Variants in RPF1 observed in about 807,000 individuals in gnomAD.
RPF1 encodes the protein ribosome production factor 1.
Under a neutral mutation model 41.9 loss-of-function variants are expected in RPF1, and 34 were observed. The ratio of observed to expected loss-of-function variants is 0.81; its 90% confidence interval spans 0.62 to 1.08. The LOEUF is 1.08. RPF1 is among the 50% of genes least tolerant of loss of function. RPF1 has a pLI of 0.00. For missense variants in RPF1, 425 were observed against 435.2 expected (o/e 0.98, Z 0.21); for synonymous variants, 140 against 148.9 (o/e 0.94, Z 0.43).
chr1:84,479,339 G>C lies in RPF1; in HGVS notation c.58G>C (p.Ala20Pro). 1 of 1,612,658 alleles carries C rather than the reference G, an allele frequency of 6.2e-7. No individual in the cohort carries two copies. The highest frequency in any genetic ancestry group is 1.1e-5 in the South Asian group (1 of 91,032). Residue 20 changes from alanine to proline, a missense_variant, in exon 1 of 9, where the codon GCC becomes CCC. Ala to Pro is a conservative substitution (Grantham distance 27). Coordinates refer to ENST00000370654, the MANE Select transcript of RPF1 (RefSeq NM_025065.7). ...SSGKKSLKRK[A>P]AAEELQEAAG... is the part of the protein sequence containing the mutation. Reference sequence around the variant, plus strand: ...CGGGAAGAAAAGTCTAAAACGGAAAGCCGCTGCCGAAGAACTTCAGGAGGC... The same window carrying C: ...CGGGAAGAAAAGTCTAAAACGGAAACCCGCTGCCGAAGAACTTCAGGAGGC...
chr1:84,491,314 TTAAAA>T (rs1429796902), intron 5 of RPF1, among the ~76,000 whole-genome samples: 2 of 152,310 alleles, frequency 1.3e-5, no homozygotes, highest in African/African-American at 4.8e-5. Flanking sequence ...TTTAATTTCA[TTAAAA>T]TAAAATTATA....
chr1:84,479,912 C>A (rs1175791310), intron 1 of RPF1, among the ~76,000 whole-genome samples: 1 of 152,194 alleles, frequency 6.6e-6, no homozygotes, highest in Admixed American at 6.5e-5. Context: ...CAAAATACTG[C>A]TTCTCTGATT....
chr1:84,493,967 G>C (rs1274781040), intron 5 of RPF1, among the ~76,000 whole-genome samples: 3 of 152,200 alleles, frequency 2.0e-5, no homozygotes, highest in Non-Finnish European at 4.4e-5. Flanking sequence ...ATGAGTCTGT[G>C]ATGAGAGTAG....
intron 3 of RPF1, among the ~76,000 whole-genome samples, chr1:84,484,083 T>C (rs1419458616): frequency 6.6e-6 from 1 of 152,196 alleles, no homozygotes; most frequent in Non-Finnish European, 1.5e-5. Flanking sequence ...AGTGATAGCT[T>C]ACTAAAGGAA....
intron 3 of RPF1, among the ~76,000 whole-genome samples, chr1:84,486,655 G>T (rs1201937603): frequency 6.6e-6 from 1 of 151,628 alleles, no homozygotes; most frequent in South Asian, 2.1e-4. Context: ...GAAGTAGTTG[G>T]CTGCTTTACT....
chr1:84,480,370 A>T (rs1160441137), intron 1 of RPF1, among the ~76,000 whole-genome samples: 2 of 152,160 alleles, frequency 1.3e-5, no homozygotes, highest in African/African-American at 2.4e-5. Flanking sequence ...AATATTTTTT[A>T]TTTTGTCAAG....
chr1:84,484,028 A>C (rs888884714), intron 3 of RPF1, among the ~76,000 whole-genome samples: 7 of 152,226 alleles, frequency 4.6e-5, no homozygotes, highest in African/African-American at 1.7e-4. Flanking sequence ...GAAGGGAGAC[A>C]AACAGTAAAC....
In RPF1 at chr1:84,489,756, G is replaced by C. The variant is rs563506950; in HGVS notation, c.462+28G>C. ...AAACACATTGATTAATTTAGTTCTT[G>C]AATTCTTAATTTTCTTATTACTTCT... On this transcript the variant is annotated intron_variant, in intron 4 of 8. Coordinates refer to ENST00000370654, the MANE Select transcript of RPF1 (RefSeq NM_025065.7). 10 of 1,254,776 alleles carry C rather than the reference G, an allele frequency of 8.0e-6. No homozygotes were observed. In the African/African-American group the frequency reaches 1.0e-4, roughly 13 times the overall value. The allele number at this position is 1,254,776 out of a possible 1,614,324, so 77.7% of individuals were successfully genotyped here.
intron 5 of RPF1, among the ~76,000 whole-genome samples, chr1:84,491,883 G>A (rs1273134345): frequency 2.6e-5 from 4 of 152,094 alleles, no homozygotes; most frequent in East Asian, 1.9e-4. Flanking sequence ...TTTTCTGGCC[G>A]GATGCGGTGG....
rs745645183 is a variant in RPF1 at position 84,479,287 on chromosome 1, G to A, written c.6G>A (p.Ala2=). 2.5e-6 allele frequency: 4 copies of A among 1,596,960 alleles called. No individual in the cohort carries two copies. The highest frequency in any genetic ancestry group is 1.4e-5 in the African/African-American group (1 of 73,756). ...GAAGCAAAGGAGCCAAGACCATGGC[G>A]AAAGCCGGGGATAAGAGCAGCAGCA... is the stretch of plus-strand genomic sequence containing the variant. M[A]KAGDKSSSSG... Residue 2 remains alanine (A), a synonymous_variant, in exon 1 of 9, where the codon GCG becomes GCA. Coordinates refer to ENST00000370654, the MANE Select transcript of RPF1 (RefSeq NM_025065.7).
chr1:84,483,180 A>G (rs1162208577), intron 3 of RPF1, 185 bp downstream of exon 3: 1 of 526,120 alleles, frequency 1.9e-6, no homozygotes, highest in Admixed American at 3.3e-5. Flanking sequence ...CAATAATGCT[A>G]TAGAAAAATT....
At chr1:84,480,924 C>G (rs199977806) in intron 1 of RPF1, 32 bp from the exon 2 acceptor site, 1 of 1,179,168 alleles carries the variant, frequency 8.5e-7, no homozygotes, top group Non-Finnish European at 1.3e-6. Flanking sequence ...GGTTGTTTCT[C>G]AGTATTGTTC....
At chr1:84,482,804 T>G (rs1237528183) in intron 2 of RPF1, 111 bp from the exon 3 acceptor site, 1 of 641,984 alleles carries the variant, frequency 1.6e-6, no homozygotes, top group African/African-American at 1.8e-5. Context: ...TGGATTGATA[T>G]GAGGAACAGA....
At chr1:84,486,587 C>CAAAAAAA (rs896267195) in intron 3 of RPF1, among the ~76,000 whole-genome samples, 20 of 64,350 alleles carry the variant, frequency 3.1e-4, no homozygotes, top group East Asian at 4.8e-4. Flanking sequence ...GACTCCGTCT[C>CAAAAAAA]AAAAAAAAAA....
intron 3 of RPF1, among the ~76,000 whole-genome samples, chr1:84,488,949 G>A (rs1306569310): frequency 1.3e-5 from 2 of 151,714 alleles, no homozygotes; most frequent in Admixed American, 1.3e-4. Context: ...TTTTATTTTG[G>A]CTTTTTCTCT....
intron 3 of RPF1, among the ~76,000 whole-genome samples, 153 bp from the exon 4 acceptor site, chr1:84,489,480 C>T (rs966991234): frequency 5.9e-5 from 9 of 152,146 alleles, no homozygotes; most frequent in African/African-American, 1.9e-4. Flanking sequence ...ATTCTCTTCA[C>T]GTGTCCATTA....
rs148381482 is a variant in RPF1, at chr1:84,484,066, G to A, written c.366+1071G>A. Among the ~76,000 whole-genome samples, 4 of 152,342 alleles carry A rather than the reference G, an allele frequency of 2.6e-5. No homozygotes were observed. In the East Asian group the frequency reaches 7.7e-4, roughly 29 times the overall value. On this transcript the variant is annotated intron_variant, in intron 3 of 8. Transcript: ENST00000370654. ...AATGAAATAAATAAGTTAGACATATGTTAGCCAGTGATAGCTTACTAAAGG... is the reference window on the plus strand; with the variant it reads ...AATGAAATAAATAAGTTAGACATATATTAGCCAGTGATAGCTTACTAAAGG...
At chr1:84,483,595 A>G (rs761432501) in intron 3 of RPF1, among the ~76,000 whole-genome samples, 4 of 152,122 alleles carry the variant, frequency 2.6e-5, no homozygotes, top group Admixed American at 1.3e-4. Flanking sequence ...TCCTTGTACT[A>G]TCGACTTTTG....
chr1:84,496,461 A>T, intron 8 of RPF1, 91 bp downstream of exon 8: 1 of 1,139,832 alleles, frequency 8.8e-7, no homozygotes, highest in South Asian at 1.6e-5. Flanking sequence ...TAGCTAATGG[A>T]TGCTGGGCTT....
Sources: gnomAD v4.1 joint callset for allele counts (sites outside exome capture counted in the v4.1 genomes callset) on GRCh38, gnomAD v4.1.1 for gene constraint, MANE v1.5 for transcripts, NCBI Gene and HGNC (gene_info 2026-07-23, HGNC 2026-07-21) for gene names.